Variants in ROBO2 observed in about 807,000 individuals in gnomAD.
The protein encoded by ROBO2 is roundabout homolog 2.
ROBO2 carries 53 observed loss-of-function variants against 160.8 expected under a neutral mutation model. The ratio of observed to expected loss-of-function variants is 0.33; its 90% CI spans 0.26 to 0.41. The LOEUF is 0.41. Among genes scored for constraint, ROBO2 ranks in the 10% least tolerant of loss-of-function variants. ROBO2 has a pLI of 1.00. For synonymous variants in ROBO2, 664 were observed against 611.7 expected, an observed-to-expected ratio of 1.09 and a Z score of -1.26; for missense variants, 1,577 against 1,722.4, an observed-to-expected ratio of 0.92 and a Z score of 1.49.
intron 2 of ROBO2, among the ~76,000 whole-genome samples, chr3:76,657,290 T>C (rs1407488417): frequency 2.0e-5 from 3 of 151,840 alleles, no homozygotes; most frequent in Admixed American, 6.6e-5. Flanking sequence ...CTGGGCTTGG[T>C]GGCGGGCGCC....
At chr3:76,532,717 C>T (rs2082293615) in intron 2 of ROBO2, among the ~76,000 whole-genome samples, 1 of 152,078 alleles carries the variant, frequency 6.6e-6, no homozygotes, top group African/African-American at 2.4e-5. Flanking sequence ...ATGTTCTAAG[C>T]AAGGAAGGCT....
chr3:76,580,344 T>TG (rs2085611171), intron 2 of ROBO2, among the ~76,000 whole-genome samples: 1 of 6,570 alleles, frequency 1.5e-4, no homozygotes, highest in African/African-American at 2.0e-4. Context: ...TTTTTTGTGT[T>TG]TTTTTTTTTG....
In ROBO2 at chr3:75,936,434, G is replaced by A. The variant is rs552785325; in HGVS notation, c.-13-1047G>A. On this transcript the variant is annotated intron_variant, in intron 1 of 26. Transcript: ENST00000487694. ...TCAACTGTGGAAAAATTGGGATTTA[G>A]GAGTAACCTCTGATTTAAAATTCCA... Among the ~76,000 whole-genome samples the A allele has an allele frequency of 7.2e-5, 11 of 152,200 alleles. No homozygotes were observed. The East Asian group carries it at 2.1e-3, about 29-fold the overall frequency.
chr3:76,455,447 G>A (rs1012531758), intron 2 of ROBO2, among the ~76,000 whole-genome samples: 2 of 151,692 alleles, frequency 1.3e-5, no homozygotes, highest in Non-Finnish European at 2.9e-5. Context: ...TCCTAATTTA[G>A]AAAAAATAAA....
chr3:77,369,550 G>A (rs1025700289), intron 2 of ROBO2, among the ~76,000 whole-genome samples: 3 of 152,180 alleles, frequency 2.0e-5, no homozygotes, highest in African/African-American at 7.2e-5. Flanking sequence ...ATACTTACCT[G>A]AAAGTGCGGA....
intron 2 of ROBO2, among the ~76,000 whole-genome samples, chr3:76,561,518 T>C (rs2108495777): frequency 6.6e-6 from 1 of 152,280 alleles, no homozygotes; most frequent in East Asian, 1.9e-4. Flanking sequence ...TAACTGATTA[T>C]TGTTAAGTGC....
chr3:77,205,216 G>T (rs1246369120), intron 2 of ROBO2, among the ~76,000 whole-genome samples: 3 of 152,128 alleles, frequency 2.0e-5, no homozygotes, highest in Non-Finnish European at 2.9e-5. Context: ...GTCCCAGAAG[G>T]ATCGGGTCAC....
chr3:76,662,765 T>C (rs539395733), intron 2 of ROBO2, among the ~76,000 whole-genome samples: 22 of 151,724 alleles, frequency 1.5e-4, no homozygotes, highest in Non-Finnish European at 2.9e-4. Flanking sequence ...CTGAGCAGAG[T>C]TGAGGAGTCA....
intron 2 of ROBO2, among the ~76,000 whole-genome samples, chr3:76,517,615 CAATT>C (rs1391534977): frequency 2.0e-5 from 3 of 152,170 alleles, no homozygotes; most frequent in African/African-American, 7.2e-5. Flanking sequence ...TATGTTATAT[CAATT>C]AACCCATTTT....
intron 2 of ROBO2, among the ~76,000 whole-genome samples, chr3:77,433,973 C>T (rs747357785): frequency 9.9e-5 from 15 of 152,058 alleles, no homozygotes; most frequent in Non-Finnish European, 1.9e-4. Flanking sequence ...TCAAAGCAGC[C>T]GCATTTCTCC....
intron 2 of ROBO2, among the ~76,000 whole-genome samples, chr3:76,125,611 T>C (rs1317151015): frequency 6.6e-6 from 1 of 151,872 alleles, no homozygotes; most frequent in Non-Finnish European, 1.5e-5. Flanking sequence ...TGCTGAGCAT[T>C]TTTTTTTCAC....
chr3:77,593,139 C>CA (rs758347891), intron 17 of ROBO2, among the ~76,000 whole-genome samples: 2 of 151,666 alleles, frequency 1.3e-5, no homozygotes, highest in South Asian at 4.1e-4. Flanking sequence ...TGCTTATTTG[C>CA]ATATTCACAA....
chr3:76,277,049 T>G (rs1707966047), intron 2 of ROBO2, among the ~76,000 whole-genome samples: 1 of 152,054 alleles, frequency 6.6e-6, no homozygotes, highest in South Asian at 2.1e-4. Flanking sequence ...TTTGTGTACT[T>G]TGAACAGTCA....
chr3:77,633,438 C>A (rs1333472945), intron 23 of ROBO2: 1 of 152,048 alleles, frequency 6.6e-6, no homozygotes, highest in South Asian at 2.1e-4. Context: ...AGGCATGATG[C>A]GTGCTTTTAC....
intron 2 of ROBO2, among the ~76,000 whole-genome samples, chr3:77,163,363 T>C (rs560089398): frequency 1.6e-4 from 24 of 152,350 alleles, no homozygotes; most frequent in African/African-American, 5.3e-4. Context: ...CAGAAATTTC[T>C]ATTCATTCAT....
chr3:77,193,158 C>T (rs2082012888), intron 2 of ROBO2, among the ~76,000 whole-genome samples: 1 of 151,866 alleles, frequency 6.6e-6, no homozygotes, highest in Non-Finnish European at 1.5e-5. Flanking sequence ...CTAAATACTT[C>T]TTGGCTGCAG....
intron 1 of ROBO2, among the ~76,000 whole-genome samples, chr3:77,041,643 C>CT (rs1188061017): frequency 6.6e-6 from 1 of 152,134 alleles, no homozygotes; most frequent in Non-Finnish European, 1.5e-5. Flanking sequence ...TTGCAAAATC[C>CT]TTTTTTGTGG....
chr3:75,963,763 G>A (rs1328477270), intron 2 of ROBO2, among the ~76,000 whole-genome samples: 1 of 151,652 alleles, frequency 6.6e-6, no homozygotes, highest in African/African-American at 2.4e-5. Flanking sequence ...CACGATGGAA[G>A]GATCTGTTTT....
At chr3:76,197,410 A>C (rs1039511732) in intron 2 of ROBO2, among the ~76,000 whole-genome samples, 2 of 151,150 alleles carry the variant, frequency 1.3e-5, no homozygotes, top group African/African-American at 2.4e-5. Flanking sequence ...ATCTCTCTAT[A>C]GATTTGGATC....
Sources: gnomAD v4.1 joint callset for allele counts (sites outside exome capture counted in the v4.1 genomes callset) on GRCh38, gnomAD v4.1.1 for gene constraint, MANE v1.5 for transcripts, NCBI Gene and HGNC (gene_info 2026-07-23, HGNC 2026-07-21) for gene names.